SPAG9: variants seen among roughly 807,000 people sequenced by gnomAD.
The protein encoded by SPAG9 is C-Jun-amino-terminal kinase-interacting protein 4.
A neutral mutation model predicts 166.5 loss-of-function variants in SPAG9; 35 were observed. That is an observed-to-expected ratio of 0.21 (90% CI 0.16 to 0.28). The LOEUF (loss-of-function observed/expected upper bound fraction) is 0.28, where lower values mean the gene tolerates loss of function less well. Among genes scored for constraint, SPAG9 ranks in the 10% least tolerant of loss-of-function variants. The probability of loss-of-function intolerance (pLI) is 1.00; values close to 1 mark genes in which losing one functional copy is unlikely to be tolerated. For synonymous variants in SPAG9, 534 were observed against 565.5 expected (o/e 0.94, Z 0.79); for missense variants, 1,235 against 1,603.3 (o/e 0.77, Z 3.92).
chr17:51,027,710 T>C (rs2046238480), intron 6 of SPAG9, among the ~76,000 whole-genome samples: 1 of 152,194 alleles, frequency 6.6e-6, no homozygotes, highest in Non-Finnish European at 1.5e-5. Flanking sequence ...TATAAAAGTA[T>C]AGTACATGCA....
At chr17:50,981,483 A>AGAT (rs1974606992) in intron 25 of SPAG9, among the ~76,000 whole-genome samples, 2 of 143,848 alleles carry the variant, frequency 1.4e-5, no homozygotes, top group African/African-American at 5.2e-5. Context: ...TACACAGATA[A>AGAT]AGATAGATAG....
At chr17:51,075,195 C>CAAAAAAAAAAAAAAA (rs57533555) in intron 2 of SPAG9, among the ~76,000 whole-genome samples, 7 of 28,950 alleles carry the variant, frequency 2.4e-4, no homozygotes, top group Non-Finnish European at 2.6e-4. Flanking sequence ...GACTCCATCT[C>CAAAAAAAAAAAAAAA]AAAAAAAAAA....
chr17:51,066,540 G>C (rs2047670885), intron 2 of SPAG9, among the ~76,000 whole-genome samples: 3 of 121,600 alleles, frequency 2.5e-5, no homozygotes, highest in South Asian at 2.7e-4. Context: ...GGGCGACAGA[G>C]TGAGACTCTG....
At chr17:51,028,905 CT>C (rs746371253) in intron 6 of SPAG9, among the ~76,000 whole-genome samples, 8 of 152,172 alleles carry the variant, frequency 5.3e-5, no homozygotes, top group Non-Finnish European at 1.2e-4. Flanking sequence ...ATACTCTTGA[CT>C]GCAAATGACC....
intron 11 of SPAG9, 109 bp from the exon 12 acceptor site, chr17:51,005,372 T>C: frequency 2.8e-6 from 3 of 1,054,812 alleles, no homozygotes; most frequent in South Asian, 2.8e-5. Flanking sequence ...TTATTTTTCT[T>C]TTCCCAAACA....
intron 2 of SPAG9, among the ~76,000 whole-genome samples, chr17:51,072,084 T>C (rs2047835007): frequency 6.7e-6 from 1 of 149,824 alleles, no homozygotes; most frequent in African/African-American, 2.4e-5. Context: ...TTTTCTTTTT[T>C]TGTTTTAGAC....
intron 28 of SPAG9, among the ~76,000 whole-genome samples, chr17:50,973,075 A>C (rs1973945183): frequency 6.6e-6 from 1 of 152,246 alleles, no homozygotes; most frequent in Non-Finnish European, 1.5e-5. Context: ...TTCAGTTATA[A>C]TACCAGTTAA....
chr17:51,116,199 C>T (rs1392563315), intron 1 of SPAG9, among the ~76,000 whole-genome samples: 5 of 152,132 alleles, frequency 3.3e-5, no homozygotes, highest in Non-Finnish European at 7.3e-5. Flanking sequence ...GCACCCACCA[C>T]CACACCCAGA....
At chr17:51,058,000 G>A (rs975916626) in intron 2 of SPAG9, among the ~76,000 whole-genome samples, 1 of 152,068 alleles carries the variant, frequency 6.6e-6, no homozygotes, top group Non-Finnish European at 1.5e-5. Context: ...TCTACTACTT[G>A]TCATTTAAAC....
At chr17:51,092,851 T>C (rs903328150) in intron 1 of SPAG9, among the ~76,000 whole-genome samples, 46 of 151,790 alleles carry the variant, frequency 3.0e-4, no homozygotes, top group African/African-American at 4.6e-4. Context: ...ACTGGGAGGA[T>C]TGCTTTAGCC....
intron 24 of SPAG9, among the ~76,000 whole-genome samples, chr17:50,983,413 C>A (rs1974798814): frequency 1.3e-5 from 2 of 152,202 alleles, no homozygotes; most frequent in Admixed American, 6.5e-5. Context: ...AGTTTACAGA[C>A]CCTTCATCCT....
intron 3 of SPAG9, among the ~76,000 whole-genome samples, chr17:51,054,946 C>A (rs192701773): frequency 2.4e-4 from 37 of 152,254 alleles, no homozygotes; most frequent in African/African-American, 8.7e-4. Flanking sequence ...AAATTCTACA[C>A]CCTACCCCAA....
intron 1 of SPAG9, among the ~76,000 whole-genome samples, chr17:51,117,287 G>A (rs569906099): frequency 3.3e-4 from 51 of 152,248 alleles, no homozygotes; most frequent in Admixed American, 2.4e-3. Flanking sequence ...ACCCACCTAA[G>A]TTTCCACAGA....
intron 2 of SPAG9, among the ~76,000 whole-genome samples, chr17:51,074,737 G>T (rs887973451): frequency 3.3e-5 from 5 of 151,922 alleles, no homozygotes; most frequent in Non-Finnish European, 7.4e-5. Flanking sequence ...AATTAAAATG[G>T]AAAACATAAT....
intron 1 of SPAG9, among the ~76,000 whole-genome samples, chr17:51,090,756 AT>A (rs2048443310): frequency 6.6e-6 from 1 of 152,220 alleles, no homozygotes; most frequent in South Asian, 2.1e-4. Context: ...GATGGCTGAT[AT>A]TTCTGTTACT....
intron 28 of SPAG9, 67 bp from the exon 29 acceptor site, chr17:50,970,923 T>C: frequency 1.5e-6 from 2 of 1,378,554 alleles, no homozygotes; most frequent in Non-Finnish European, 2.0e-6. Context: ...GTTTTTTTTT[T>C]TTAAGTATTT....
intron 4 of SPAG9, among the ~76,000 whole-genome samples, chr17:51,045,530 A>AT (rs938514611): frequency 1.1e-4 from 17 of 152,140 alleles, no homozygotes; most frequent in Non-Finnish European, 2.2e-4. Flanking sequence ...AAAGAAACAC[A>AT]TTAAGGGAAG....
At chr17:50,974,045 C>A (rs191327026) in intron 28 of SPAG9, among the ~76,000 whole-genome samples, 3 of 152,184 alleles carry the variant, frequency 2.0e-5, no homozygotes, top group Non-Finnish European at 4.4e-5. Flanking sequence ...ATCTGAACTT[C>A]GTCTAGCTCC....
At chr17:51,112,693 A>C (rs1443160732) in intron 1 of SPAG9, among the ~76,000 whole-genome samples, 1 of 147,232 alleles carries the variant, frequency 6.8e-6, no homozygotes, top group African/African-American at 2.6e-5. Flanking sequence ...AAAAAAAAAA[A>C]AAAAAACTTT....
Sources: allele counts gnomAD v4.1 joint callset (sites outside exome capture counted in the v4.1 genomes callset), GRCh38; gene constraint gnomAD v4.1.1; transcripts MANE v1.5; gene names NCBI Gene and HGNC (gene_info 2026-07-23, HGNC 2026-07-21).